APP: variants seen among roughly 807,000 people sequenced by gnomAD.
APP encodes amyloid beta precursor protein.
APP carries 31 observed loss-of-function variants against 101.4 expected under a neutral mutation model. The observed-to-expected ratio is 0.31, with a 90% CI of 0.23 to 0.41. The LOEUF is 0.41. Among genes scored for constraint, APP ranks in the 10% least tolerant of loss-of-function variants. The pLI, the probability that APP is intolerant of heterozygous loss-of-function variation, is 1.00. For synonymous variants in APP, 366 were observed against 364.4 expected (o/e 1.00, Z -0.05); for missense variants, 839 against 1,003.7 (o/e 0.84, Z 2.22).
chr21:26,062,707 C>A (rs1204834066), intron 3 of APP, among the ~76,000 whole-genome samples: 3 of 126,476 alleles, frequency 2.4e-5, no homozygotes, highest in Non-Finnish European at 3.5e-5. Flanking sequence ...TGTTAGCAGT[C>A]TTGCAGCTTT....
At chr21:25,971,797 G>A (rs2042042578) in intron 11 of APP, among the ~76,000 whole-genome samples, 1 of 152,186 alleles carries the variant, frequency 6.6e-6, no homozygotes, top group East Asian at 1.9e-4. Flanking sequence ...ACTGAGAAGG[G>A]TCTTGCCTCA....
intron 13 of APP, among the ~76,000 whole-genome samples, chr21:25,948,473 A>AT (rs2040927889): frequency 6.6e-6 from 1 of 152,178 alleles, no homozygotes; most frequent in African/African-American, 2.4e-5. Context: ...ATTCCCCGCC[A>AT]TATCTTTCAA....
At chr21:25,971,221 G>C (rs925290685) in intron 11 of APP, among the ~76,000 whole-genome samples, 2 of 62,432 alleles carry the variant, frequency 3.2e-5, no homozygotes, top group Non-Finnish European at 6.1e-5. Context: ...CTAATTTTTT[G>C]TATTTTTAGT....
At chr21:25,948,453 G>A (rs1221394092) in intron 13 of APP, among the ~76,000 whole-genome samples, 8 of 151,828 alleles carry the variant, frequency 5.3e-5, no homozygotes, top group African/African-American at 1.7e-4. Flanking sequence ...TCATTATTGC[G>A]AATTTCTTGA....
At chr21:26,155,245 G>T (rs549114445) in intron 1 of APP, among the ~76,000 whole-genome samples, 1 of 152,274 alleles carries the variant, frequency 6.6e-6, no homozygotes, top group South Asian at 2.1e-4. Flanking sequence ...CTGGGCAACC[G>T]ACTGAGTGAG....
At chr21:26,081,665 A>G (rs952696647) in intron 3 of APP, among the ~76,000 whole-genome samples, 1 of 152,106 alleles carries the variant, frequency 6.6e-6, no homozygotes, top group Admixed American at 6.6e-5. Flanking sequence ...CAGTTACAGA[A>G]TCTCTTTATT....
chr21:26,114,735 C>G (rs1224355008), intron 1 of APP, among the ~76,000 whole-genome samples: 1 of 152,086 alleles, frequency 6.6e-6, no homozygotes, highest in African/African-American at 2.4e-5. Flanking sequence ...TTGATTTCTT[C>G]TATTTTTCAC....
At chr21:26,122,000 T>C (rs1233212502) in intron 1 of APP, among the ~76,000 whole-genome samples, 1 of 152,220 alleles carries the variant, frequency 6.6e-6, no homozygotes, top group Non-Finnish European at 1.5e-5. Context: ...GTAGTGGGTC[T>C]ACCATTTAAC....
intron 2 of APP, among the ~76,000 whole-genome samples, chr21:26,097,486 C>A (rs1374245840): frequency 7.3e-6 from 1 of 137,172 alleles, no homozygotes; most frequent in Non-Finnish European, 1.5e-5. Context: ...ATAAGATATT[C>A]TAAATAGTTG....
intron 3 of APP, among the ~76,000 whole-genome samples, chr21:26,075,002 T>G (rs776865744): frequency 6.6e-6 from 1 of 152,232 alleles, no homozygotes; most frequent in African/African-American, 2.4e-5. Flanking sequence ...AAACCTGCTC[T>G]TCCTTTGTTG....
At chr21:25,988,167 TAA>T (rs1027457197) in intron 8 of APP, among the ~76,000 whole-genome samples, 2 of 151,970 alleles carry the variant, frequency 1.3e-5, no homozygotes, top group African/African-American at 4.8e-5. Flanking sequence ...ACGGAAGCCC[TAA>T]GAGTTGAAGC....
At chr21:25,893,677 G>T (rs1038701268) in intron 16 of APP, among the ~76,000 whole-genome samples, 1 of 152,210 alleles carries the variant, frequency 6.6e-6, no homozygotes, top group Admixed American at 6.5e-5. Context: ...AGAAAAAAAA[G>T]TTGGGAGAGG....
In APP at chr21:26,032,327, T is replaced by C. The variant is rs550021526; in HGVS notation, c.663-10285A>G. Among the ~76,000 whole-genome samples, 16 of 152,294 alleles carry C rather than the reference T, an allele frequency of 1.1e-4. No individual in the cohort carries two copies. The South Asian group carries it at 3.3e-3, about 32-fold the overall frequency. ...ATGCACAAGGGATGAGGCTATGAAATTTGTGAATTCTTTTCCTTTCTCAAG... is the reference window on the plus strand; with the variant it reads ...ATGCACAAGGGATGAGGCTATGAAACTTGTGAATTCTTTTCCTTTCTCAAG... On this transcript the variant is annotated intron_variant, in intron 5 of 17. Coordinates refer to ENST00000346798, the MANE Select transcript of APP (RefSeq NM_000484.4).
In APP at chr21:26,140,351, T is replaced by C. The variant is rs540398667; in HGVS notation, c.58-28205A>G. 4.1e-5 allele frequency: 61 copies of C among 1,504,998 alleles called. No homozygotes were observed. In the African/African-American group the frequency reaches 6.9e-4, roughly 17 times the overall value. The allele number at this position is 1,504,998 out of a possible 1,614,324, so 93.2% of individuals were successfully genotyped here. A position where few individuals can be genotyped will look rare whatever the true frequency, so the allele number is the denominator to read the frequency against. On this transcript the variant is annotated intron_variant, in intron 1 of 17. Transcript: ENST00000346798. ...GGGTGAGTCAACAGCATGTCAACAC[T>C]AACCCAACTTCTACCACGCACAGCA...
At chr21:26,148,619 G>A (rs377044417) in intron 1 of APP, among the ~76,000 whole-genome samples, 1 of 152,242 alleles carries the variant, frequency 6.6e-6, no homozygotes, top group African/African-American at 2.4e-5. Context: ...AAACGAAGCA[G>A]TGTCACAGGC....
At chr21:25,979,180 C>T (rs2042331975) in intron 9 of APP, among the ~76,000 whole-genome samples, 2 of 152,134 alleles carry the variant, frequency 1.3e-5, no homozygotes, top group Admixed American at 6.5e-5. Flanking sequence ...ACAATGGCAA[C>T]AACAAACCAA....
intron 16 of APP, among the ~76,000 whole-genome samples, 173 bp downstream of exon 16, chr21:25,897,400 C>T (rs937308731): frequency 2.6e-5 from 4 of 152,218 alleles, no homozygotes; most frequent in Admixed American, 6.5e-5. Flanking sequence ...AGGCTTGAGC[C>T]ACTGCGCTCA....
intron 6 of APP, among the ~76,000 whole-genome samples, chr21:26,002,672 C>T (rs1253599913): frequency 6.6e-6 from 1 of 152,176 alleles, no homozygotes; most frequent in Non-Finnish European, 1.5e-5. Flanking sequence ...GTCATTGCTA[C>T]CAAGGGAGGC....
In APP at chr21:25,891,594, C is replaced by T. The variant is rs959895079; in HGVS notation, c.2211+128G>A. ...AAAACAAGAAAGAACAACTGTAACCCAAGCATCATGGAAGCACACTGATTC... is the reference window on the plus strand; with the variant it reads ...AAAACAAGAAAGAACAACTGTAACCTAAGCATCATGGAAGCACACTGATTC... On this transcript the variant is annotated intron_variant, in intron 17 of 17. Transcript: ENST00000346798. The T allele has an allele frequency of 3.2e-5, 30 of 926,116 alleles. No individual in the cohort carries two copies. In the African/African-American group the frequency reaches 4.7e-4, roughly 15 times the overall value. 57.4% of individuals were successfully genotyped at this position (926,116 alleles called of 1,614,324 possible).
Sources: allele counts gnomAD v4.1 joint callset (sites outside exome capture counted in the v4.1 genomes callset), GRCh38; gene constraint gnomAD v4.1.1; transcripts MANE v1.5; gene names NCBI Gene and HGNC (gene_info 2026-07-23, HGNC 2026-07-21).